RSPO2: variants seen among roughly 807,000 people sequenced by gnomAD.
RSPO2 encodes R-spondin-2.
Under a neutral mutation model 30.9 loss-of-function variants are expected in RSPO2, and 14 were observed. That is an observed-to-expected ratio of 0.45 (90% confidence interval 0.30 to 0.71). The LOEUF (loss-of-function observed/expected upper bound fraction) is 0.71. Ranked by LOEUF, RSPO2 falls within the 30% of genes least tolerant of loss-of-function variation. The pLI is 0.08. For synonymous variants in RSPO2, 107 were observed against 96.4 expected, an observed-to-expected ratio of 1.11 and a Z score of -0.64; for missense variants, 264 against 301.9, an observed-to-expected ratio of 0.87 and a Z score of 0.93.
chr8:107,994,039 G>A (rs776160572), intron 2 of RSPO2, among the ~76,000 whole-genome samples: 10 of 152,036 alleles, frequency 6.6e-5, no homozygotes, highest in Admixed American at 2.0e-4. Flanking sequence ...GATATGAGTT[G>A]GGGTCATGGG....
intron 2 of RSPO2, among the ~76,000 whole-genome samples, chr8:108,003,271 G>GTATATATATATATA (rs1815313972): frequency 2.7e-5 from 2 of 73,686 alleles, no homozygotes; most frequent in African/African-American, 5.5e-5. Context: ...GTGTGTGTGT[G>GTATATATATATATA]TGTGTGTATA....
intron 3 of RSPO2, among the ~76,000 whole-genome samples, chr8:107,974,330 A>G (rs1814130844): frequency 6.6e-6 from 1 of 151,834 alleles, no homozygotes; most frequent in South Asian, 2.1e-4. Context: ...CTACAAAAAA[A>G]AAAAAAAGAA....
chr8:108,048,997 C>G (rs1244420215), intron 2 of RSPO2, among the ~76,000 whole-genome samples: 1 of 152,106 alleles, frequency 6.6e-6, no homozygotes, highest in Non-Finnish European at 1.5e-5. Flanking sequence ...ATTTCTTAAT[C>G]CTGAGTTCTA....
chr8:107,974,412 TGA>T (rs1345643239), intron 3 of RSPO2, among the ~76,000 whole-genome samples: 1 of 151,834 alleles, frequency 6.6e-6, no homozygotes, highest in African/African-American at 2.4e-5. Context: ...CTCGGGAGGC[TGA>T]GAGATAGGAG....
intron 2 of RSPO2, among the ~76,000 whole-genome samples, chr8:108,017,402 C>T (rs926474130): frequency 2.0e-5 from 3 of 152,096 alleles, no homozygotes; most frequent in Non-Finnish European, 4.4e-5. Context: ...TGCAAAATGA[C>T]AATATAACTC....
At chr8:108,036,414 T>C (rs932553926) in intron 2 of RSPO2, among the ~76,000 whole-genome samples, 1 of 152,200 alleles carries the variant, frequency 6.6e-6, no homozygotes, top group African/African-American at 2.4e-5. Context: ...TCTGCAAAAC[T>C]GACCATCTTT....
intron 5 of RSPO2, among the ~76,000 whole-genome samples, chr8:107,950,650 A>G (rs1027263613): frequency 6.6e-6 from 1 of 152,118 alleles, no homozygotes; most frequent in East Asian, 1.9e-4. Flanking sequence ...CAAACACAAG[A>G]TGATAGTATT....
chr8:108,008,806 A>G (rs1810595712), intron 2 of RSPO2, among the ~76,000 whole-genome samples: 1 of 151,716 alleles, frequency 6.6e-6, no homozygotes, highest in Non-Finnish European at 1.5e-5. Flanking sequence ...AAAAATAAAG[A>G]AAAAGGTAAA....
chr8:107,995,001 C>G (rs192537691), intron 2 of RSPO2, among the ~76,000 whole-genome samples: 52 of 152,186 alleles, frequency 3.4e-4, no homozygotes, highest in Non-Finnish European at 5.7e-4. Flanking sequence ...CTTCCCACAG[C>G]CTCTCATCCA....
chr8:107,943,799 G>A (rs1371360691), intron 5 of RSPO2, among the ~76,000 whole-genome samples: 1 of 152,196 alleles, frequency 6.6e-6, no homozygotes, highest in African/African-American at 2.4e-5. Context: ...AATTACTCAA[G>A]TTAGCAATAT....
chr8:108,061,839 C>G (rs1240968857), intron 2 of RSPO2, among the ~76,000 whole-genome samples: 1 of 151,884 alleles, frequency 6.6e-6, no homozygotes, highest in Admixed American at 6.6e-5. Flanking sequence ...AACTGTCTCT[C>G]AGACCACAGT....
intron 2 of RSPO2, among the ~76,000 whole-genome samples, chr8:108,034,746 G>A (rs1811538630): frequency 6.6e-6 from 1 of 152,152 alleles, no homozygotes; most frequent in Admixed American, 6.5e-5. Context: ...GCTGTGCCCT[G>A]GTTATGGTCA....
At chr8:107,972,090 A>C (rs528416812) in intron 3 of RSPO2, among the ~76,000 whole-genome samples, 1 of 152,218 alleles carries the variant, frequency 6.6e-6, no homozygotes, top group South Asian at 2.1e-4. Context: ...ATGATGATAG[A>C]TGTATCTGCT....
intron 5 of RSPO2, among the ~76,000 whole-genome samples, chr8:107,908,433 TTGTAAAGGACAAAGTTTTCAG>T (rs1811721168): frequency 6.6e-6 from 1 of 152,168 alleles, no homozygotes. Context: ...TTTAGGTTAA[TTGTAAAGGACAAAGTTTTCAG>T]AGCAGTAGAA....
chr8:107,968,424 T>C (rs1473194755), intron 3 of RSPO2, among the ~76,000 whole-genome samples: 1 of 152,082 alleles, frequency 6.6e-6, no homozygotes, highest in Non-Finnish European at 1.5e-5. Context: ...GAGAGTAGAA[T>C]GGTGGTTACC....
chr8:108,048,325 G>A (rs1185832606), intron 2 of RSPO2, among the ~76,000 whole-genome samples: 1 of 151,592 alleles, frequency 6.6e-6, no homozygotes, highest in Non-Finnish European at 1.5e-5. Flanking sequence ...AACCTCTACT[G>A]CCCTTTGCAT....
chr8:108,064,751 T>C (rs1433014648), intron 2 of RSPO2, among the ~76,000 whole-genome samples: 2 of 152,124 alleles, frequency 1.3e-5, no homozygotes, highest in Non-Finnish European at 2.9e-5. Flanking sequence ...CTATTCACAA[T>C]AGCAAATACT....
rs1308798280 is a variant in RSPO2 at position 108,059,803 on chromosome 8, G to T, written c.94+22742C>A. Among the ~76,000 whole-genome samples the T allele has an allele frequency of 7.0e-5, 10 of 142,104 alleles. 1 individual carries two copies. The highest frequency in any genetic ancestry group is 1.2e-4 in the Non-Finnish European group (8 of 66,550). 93.2% of individuals were successfully genotyped at this position (142,104 alleles called of 152,430 possible). A position where few individuals can be genotyped will look rare whatever the true frequency, so the allele number is the denominator to read the frequency against. ...CATTCATAGGTGGGAATTGAACAAT[G>T]AGAACACATGGACACAGGAAGGGGA... On this transcript the variant is annotated intron_variant, in intron 2 of 5. Transcript: ENST00000276659.
chr8:107,977,011 G>C (rs1814239434), intron 3 of RSPO2, among the ~76,000 whole-genome samples: 3 of 152,146 alleles, frequency 2.0e-5, no homozygotes. Context: ...AGAAAGTGTG[G>C]GAGGCAGAGA....
Sources: allele counts gnomAD v4.1 joint callset (sites outside exome capture counted in the v4.1 genomes callset), GRCh38; gene constraint gnomAD v4.1.1; transcripts MANE v1.5; gene names NCBI Gene and HGNC (gene_info 2026-07-23, HGNC 2026-07-21).